Variants in LAMP1 observed in about 807,000 individuals in gnomAD.
LAMP1 encodes the protein lysosome-associated membrane glycoprotein 1.
Under a neutral mutation model 37.5 loss-of-function variants are expected in LAMP1, and 7 were observed. The ratio of observed to expected loss-of-function variants is 0.19; its 90% CI spans 0.11 to 0.35. LAMP1 has a LOEUF of 0.35. LAMP1 is among the 10% of genes least tolerant of loss of function. LAMP1 has a pLI of 1.00. For synonymous variants in LAMP1, 236 were observed against 229.1 expected, an observed-to-expected ratio of 1.03 and a Z score of -0.27; for missense variants, 537 against 552.8, an observed-to-expected ratio of 0.97 and a Z score of 0.29.
chr13:113,316,333 T>G (rs1331075596), intron 4 of LAMP1, among the ~76,000 whole-genome samples: 1 of 152,050 alleles, frequency 6.6e-6, no homozygotes, highest in African/African-American at 2.4e-5. Flanking sequence ...AGGTGCACGC[T>G]TGTTGAATGA....
chr13:113,310,687 A>AT (rs201559462), intron 3 of LAMP1, 22 bp from the exon 4 acceptor site: 24,805 of 1,243,272 alleles, frequency 0.02, no homozygotes, highest in South Asian at 0.028. Flanking sequence ...TGCAATTGTG[A>AT]TTTTTTTTTT....
In LAMP1 at chr13:113,309,843, C is replaced by T. The variant is rs755832333; in HGVS notation, c.384C>T (p.Phe128=). Residue 128 remains phenylalanine, a synonymous_variant, in exon 3 of 9, where the codon TTC becomes TTT. Coordinates refer to ENST00000332556, the MANE Select transcript of LAMP1 (RefSeq NM_005561.4). Reference sequence around the variant, plus strand: ...ATAACTTGTCAGACACACACCTTTTCCCCAATGCGAGCTCCAAAGGTAAGA... The same window carrying T: ...ATAACTTGTCAGACACACACCTTTTTCCCAATGCGAGCTCCAAAGGTAAGA... ...FVYNLSDTHL[F]PNASSKEIKT... is the part of the protein sequence containing the mutation. The T allele has an allele frequency of 1.2e-6, 2 of 1,612,808 alleles. No individual in the cohort carries two copies. The highest frequency in any genetic ancestry group is 1.7e-6 in the Non-Finnish European group (2 of 1,179,820).
In LAMP1 at chr13:113,323,056, G is replaced by C. The variant is rs1384565310; in HGVS notation, c.*635G>C. 6.6e-6 allele frequency: 1 copy of C among 152,400 alleles called. No individual in the cohort carries two copies. Among genetic ancestry groups the C allele is most frequent in the African/African-American group, 2.4e-5 (1 of 41,430 alleles). The allele number at this position is 152,400 out of a possible 1,614,324, so 9.4% of individuals were successfully genotyped here. On this transcript the variant is annotated 3_prime_UTR_variant, in exon 9 of 9. Coordinates refer to ENST00000332556, the MANE Select transcript of LAMP1 (RefSeq NM_005561.4). ...CATGCTCACACATTACAACAGTAGAGAGGGAACATCCTAAGACAGAGGAAC... is the reference window on the plus strand; with the variant it reads ...CATGCTCACACATTACAACAGTAGACAGGGAACATCCTAAGACAGAGGAAC...
At chr13:113,304,781 C>G (rs2042590244) in intron 1 of LAMP1, among the ~76,000 whole-genome samples, 1 of 152,084 alleles carries the variant, frequency 6.6e-6, no homozygotes, top group Non-Finnish European at 1.5e-5. Context: ...CTCAGCCTCC[C>G]TAGTACCTGG....
At position 113,309,809 on chromosome 13, in the gene LAMP1, G is replaced by A. The variant is rs1435076953; in HGVS notation, c.350G>A (p.Ser117Asn). 6.2e-6 allele frequency: 10 copies of A among 1,613,996 alleles called. No individual in the cohort carries two copies. In the South Asian group the frequency reaches 1.1e-4, roughly 18 times the overall value. Residue 117 changes from serine (S) to asparagine (N), a missense_variant, in exon 3 of 9, where the codon AGT becomes AAT. By Grantham distance (46) the Ser-to-Asn change is conservative. Transcript: ENST00000332556. Reference sequence around the variant, plus strand: ...ACACGTTACAGCGTCCAGCTCATGAGTTTTGTTTATAACTTGTCAGACACA... The same window carrying A: ...ACACGTTACAGCGTCCAGCTCATGAATTTTGTTTATAACTTGTCAGACACA... ...NATRYSVQLM[S>N]FVYNLSDTHL...
chr13:113,297,410 G>C lies in LAMP1; in HGVS notation c.-25G>C. 1 of 787,780 alleles carries C rather than the reference G, an allele frequency of 1.3e-6. No homozygotes were observed. Among genetic ancestry groups the C allele is most frequent in the Non-Finnish European group, 1.7e-6 (1 of 582,418 alleles). 48.8% of individuals were successfully genotyped at this position (787,780 alleles called of 1,614,324 possible). ...ACCGCCGCCCGCGCCCCCGCTCCCC[G>C]CACCGTACCCGGCCGCCTCGCGCCA... is the stretch of plus-strand genomic sequence containing the variant. On this transcript the variant is annotated 5_prime_UTR_variant, in exon 1 of 9. Coordinates refer to ENST00000332556, the MANE Select transcript of LAMP1 (RefSeq NM_005561.4). The surrounding 1 kb of genome is among the most constrained non-coding windows in gnomAD (Gnocchi z 4.4).
chr13:113,297,597 GCCCCGCAC>G lies in LAMP1; in HGVS notation c.61+105_61+112del, dbSNP rs551192787. ...CTGCCGGGTCGTTGTCCCGCGGGTC[GCCCCGCAC>G]CCACTGCTCCTGGTCCCGGCCGGCT... On this transcript the variant is annotated intron_variant, in intron 1 of 8. Transcript: ENST00000332556. The surrounding 1 kb of genome is among the most constrained non-coding windows in gnomAD (Gnocchi z 4.4). 1.2e-4 allele frequency: 127 copies of G among 1,099,910 alleles called. 1 individual carries two copies. The African/African-American group carries it at 2.0e-3, about 17-fold the overall frequency. 68.1% of individuals were successfully genotyped at this position (1,099,910 alleles called of 1,614,324 possible). A position where few individuals can be genotyped will look rare whatever the true frequency, so the allele number is the denominator to read the frequency against.
chr13:113,320,514 C>G lies in LAMP1; in HGVS notation c.876+44C>G, dbSNP rs757194905. ...CTCTCTGGGGGCGCCCACTGTGTCTCCACCACATCTTTTTGTGCCCTGGGT... is the reference window on the plus strand; with the variant it reads ...CTCTCTGGGGGCGCCCACTGTGTCTGCACCACATCTTTTTGTGCCCTGGGT... On this transcript the variant is annotated intron_variant, in intron 6 of 8. Coordinates refer to ENST00000332556, the MANE Select transcript of LAMP1 (RefSeq NM_005561.4). The surrounding 1 kb of genome is among the most constrained non-coding windows in gnomAD (Gnocchi z 4.4). 21 of 1,586,808 alleles carry G rather than the reference C, an allele frequency of 1.3e-5. No homozygotes were observed. The highest frequency in any genetic ancestry group is 1.7e-5 in the Admixed American group (1 of 58,830).
intron 4 of LAMP1, among the ~76,000 whole-genome samples, chr13:113,313,932 C>T (rs1196459798): frequency 4.8e-5 from 5 of 103,552 alleles, no homozygotes; most frequent in Non-Finnish European, 8.7e-5. Context: ...GGCGTGGCCT[C>T]CTAGAGGGAG....
Position 113,309,624 on chromosome 13 carries a change from T to A in LAMP1, c.184-19T>A, listed in dbSNP as rs757776943. ...AACCTGCATCCCAATTGGGTTACAT[T>A]TAATTGTGTTTATTCTAGAACATGA... On this transcript the variant is annotated intron_variant, in intron 2 of 8. Transcript: ENST00000332556. 6.3e-7 allele frequency: 1 copy of A among 1,584,580 alleles called. No individual in the cohort carries two copies. The highest frequency in any genetic ancestry group is 8.6e-7 in the Non-Finnish European group (1 of 1,156,980).
Position 113,322,714 on chromosome 13 carries a change from C to G in LAMP1, c.*293C>G. The G allele has an allele frequency of 1.3e-5, 1 of 75,576 alleles. No homozygotes were observed. Among genetic ancestry groups the G allele is most frequent in the East Asian group, 4.7e-4 (1 of 2,130 alleles). The allele number at this position is 75,576 out of a possible 1,614,324, so 4.7% of individuals were successfully genotyped here. A position where few individuals can be genotyped will look rare whatever the true frequency, so the allele number is the denominator to read the frequency against. ...TGAGGGGGTGGGGGTGCCGCTGTCT[C>G]TGAGGGGTGGGGGTGCCGCTGTCTC... On this transcript the variant is annotated 3_prime_UTR_variant, in exon 9 of 9. Coordinates refer to ENST00000332556, the MANE Select transcript of LAMP1 (RefSeq NM_005561.4).
chr13:113,304,012 G>A (rs531125819), intron 1 of LAMP1, among the ~76,000 whole-genome samples: 2 of 152,244 alleles, frequency 1.3e-5, no homozygotes, highest in South Asian at 4.1e-4. Context: ...TTGAACCTGG[G>A]AGGTGGAGGG....
chr13:113,318,307 A>G (rs1030178740), intron 4 of LAMP1, among the ~76,000 whole-genome samples: 1 of 152,174 alleles, frequency 6.6e-6, no homozygotes, highest in Non-Finnish European at 1.5e-5. Context: ...GAATGTTGAG[A>G]TGGAAGCGGA....
rs558277350 is a variant in LAMP1 at position 113,322,073 on chromosome 13, C to T, written c.1115-209C>T. The stretch of plus-strand genomic sequence containing the variant: ...TCCGGCCACAGCCCCTGATTCCAGA[C>T]GGGGGAGAGACGTGTGTGGTTTCCT... On this transcript the variant is annotated intron_variant, in intron 8 of 8. Transcript: ENST00000332556. 106 of 598,422 alleles carry T rather than the reference C, an allele frequency of 1.8e-4. 3 individuals are homozygous for T. Among genetic ancestry groups the T allele is most frequent in the South Asian group, 8.0e-4 (36 of 44,864 alleles). The allele number at this position is 598,422 out of a possible 1,614,324, so 37.1% of individuals were successfully genotyped here.
intron 4 of LAMP1, among the ~76,000 whole-genome samples, chr13:113,314,178 G>C: frequency 8.4e-6 from 1 of 119,144 alleles, no homozygotes; most frequent in Non-Finnish European, 1.6e-5. Flanking sequence ...GCCTACTAGA[G>C]GGAGTCAGTG....
chr13:113,308,324 CTTTT>C lies in LAMP1; in HGVS notation c.184-1297_184-1294del, dbSNP rs71101565. Among the ~76,000 whole-genome samples, 185 of 60,430 alleles carry C rather than the reference CTTTT, an allele frequency of 3.1e-3. 1 individual carries two copies. Among genetic ancestry groups the C allele is most frequent in the African/African-American group, 0.012 (175 of 14,054 alleles). The allele number at this position is 60,430 out of a possible 152,430, so 39.6% of individuals were successfully genotyped here. A position where few individuals can be genotyped will look rare whatever the true frequency, so the allele number is the denominator to read the frequency against. On this transcript the variant is annotated intron_variant, in intron 2 of 8. Coordinates refer to ENST00000332556, the MANE Select transcript of LAMP1 (RefSeq NM_005561.4). ...AGCTACCGTACCTGGCCTCCAAGCA[CTTTT>C]TTTTTTTTTTTTTTTTTTTTTGAGG...
intron 1 of LAMP1, among the ~76,000 whole-genome samples, chr13:113,304,479 T>C (rs2042588716): frequency 6.6e-6 from 1 of 152,212 alleles, no homozygotes; most frequent in African/African-American, 2.4e-5. Context: ...ACCTTTACTA[T>C]GTCAAAAATA....
intron 3 of LAMP1, 110 bp from the exon 4 acceptor site, chr13:113,310,599 C>T (rs1165423182): frequency 1.3e-5 from 12 of 903,118 alleles, no homozygotes; most frequent in Admixed American, 2.8e-5. Context: ...TTTTTTTAAT[C>T]TAGAAATCAA....
At chr13:113,319,735 G>C (rs539527803) in intron 5 of LAMP1, 79 bp downstream of exon 5, 3 of 1,339,848 alleles carry the variant, frequency 2.2e-6, no homozygotes, top group African/African-American at 1.4e-5. Flanking sequence ...CTGAGAACAC[G>C]CGTCTCTGCA....
Sources: allele counts gnomAD v4.1 joint callset (sites outside exome capture counted in the v4.1 genomes callset), GRCh38; gene constraint gnomAD v4.1.1; non-coding constraint Gnocchi (gnomAD v3.1); transcripts MANE v1.5; gene names NCBI Gene and HGNC (gene_info 2026-07-23, HGNC 2026-07-21).